The following IPO8 variants were observed in gnomAD, a reference collection of about 807,000 sequenced individuals.
The protein encoded by IPO8 is importin-8.
Under a neutral mutation model 141.2 loss-of-function variants are expected in IPO8, and 65 were observed. The observed-to-expected ratio is 0.46, with a 90% CI of 0.38 to 0.57. The LOEUF is 0.57. IPO8 is among the 20% of genes least tolerant of loss of function. IPO8 has a pLI of 0.00. For missense variants in IPO8, 980 were observed against 1,246.8 expected (o/e 0.79, Z 3.22); for synonymous variants, 411 against 420.3 (o/e 0.98, Z 0.27).
Position 30,695,049 on chromosome 12 carries a change from C to T in IPO8, c.84+515G>A. 2.2e-6 allele frequency: 1 copy of T among 456,720 alleles called. No homozygotes were observed. Among genetic ancestry groups the T allele is most frequent in the Non-Finnish European group, 4.4e-6 (1 of 227,314 alleles). 28.3% of individuals were successfully genotyped at this position (456,720 alleles called of 1,614,324 possible). ...TCTTCCCAGAGCACTCTCCCAACAG[C>T]ACTGCCCAGCGCTCCGCAAAACTCG... On this transcript the variant is annotated intron_variant, in intron 1 of 24. Coordinates refer to ENST00000256079, the MANE Select transcript of IPO8 (RefSeq NM_006390.4). This position sits in a 1 kb window ranked among gnomAD's most constrained non-coding sequence, Gnocchi z 4.2.
intron 1 of IPO8, among the ~76,000 whole-genome samples, chr12:30,694,052 T>C (rs2136179622): frequency 6.6e-6 from 1 of 152,198 alleles, no homozygotes; most frequent in South Asian, 2.1e-4. Flanking sequence ...GAAGGTTAGG[T>C]GAAGGGCAGG....
At chr12:30,660,923 T>A (rs571186420) in intron 16 of IPO8, among the ~76,000 whole-genome samples, 17 of 66,756 alleles carry the variant, frequency 2.5e-4, no homozygotes, top group African/African-American at 1.4e-3. Context: ...ATATACTTTA[T>A]AATATTTACA....
rs1309401734 is a variant in IPO8 at position 30,695,708 on chromosome 12, C to G, written c.-61G>C. 5 of 1,485,976 alleles carry G rather than the reference C, an allele frequency of 3.4e-6. No individual in the cohort carries two copies. Among genetic ancestry groups the G allele is most frequent in the South Asian group, 2.3e-5 (2 of 85,716 alleles). 92.0% of individuals were successfully genotyped at this position (1,485,976 alleles called of 1,614,324 possible). On this transcript the variant is annotated 5_prime_UTR_variant, in exon 1 of 25. Coordinates refer to ENST00000256079, the MANE Select transcript of IPO8 (RefSeq NM_006390.4). The surrounding 1 kb of genome is among the most constrained non-coding windows in gnomAD (Gnocchi z 4.2). The stretch of plus-strand genomic sequence containing the variant: ...TAGGCCGGACTGCAGCTTTAGTTTT[C>G]TTTTGACCCTCTCAGCCTCCTCTTC...
At chr12:30,653,205 A>C in intron 17 of IPO8, 113 bp from the exon 18 acceptor site, 1 of 844,750 alleles carries the variant, frequency 1.2e-6, no homozygotes, top group Non-Finnish European at 1.9e-6. Flanking sequence ...CCTCTATCCA[A>C]TGTACTCATA....
rs770601260 is a variant in IPO8, at chr12:30,650,781, G to A, written c.2172+1411C>T. The stretch of plus-strand genomic sequence containing the variant: ...TCTTGTAATTTTTTAAATAGGCTCT[G>A]GAGTCAGATTAGGTTCAAATCTGGC... On this transcript the variant is annotated intron_variant, in intron 19 of 24. Coordinates refer to ENST00000256079, the MANE Select transcript of IPO8 (RefSeq NM_006390.4). Among the ~76,000 whole-genome samples, 38 of 152,104 alleles carry A rather than the reference G, an allele frequency of 2.5e-4. No homozygotes were observed. In the East Asian group the frequency reaches 6.0e-3, roughly 24 times the overall value.
At chr12:30,666,403 G>A in intron 10 of IPO8, 152 bp from the exon 11 acceptor site, 1 of 475,500 alleles carries the variant, frequency 2.1e-6, no homozygotes, top group East Asian at 3.2e-5. Flanking sequence ...GATATACAGT[G>A]GCACCACAAC....
At chr12:30,633,716 A>G (rs1346365327) in intron 23 of IPO8, among the ~76,000 whole-genome samples, 1 of 152,248 alleles carries the variant, frequency 6.6e-6, no homozygotes, top group African/African-American at 2.4e-5. Context: ...GTAGGTTGTT[A>G]GCCACAATTT....
At chr12:30,661,089 T>C (rs1225682529) in intron 16 of IPO8, 52 bp downstream of exon 16, 2 of 1,335,506 alleles carry the variant, frequency 1.5e-6, no homozygotes, top group Non-Finnish European at 2.0e-6. Context: ...ACTGATCACA[T>C]AAATTTCAGT....
chr12:30,672,525 T>C (rs535017780), intron 8 of IPO8, among the ~76,000 whole-genome samples: 2 of 152,294 alleles, frequency 1.3e-5, no homozygotes, highest in African/African-American at 4.8e-5. Flanking sequence ...TATCCTTAAA[T>C]AACCATGGTA....
At chr12:30,673,310 C>T (rs1249163068) in intron 8 of IPO8, among the ~76,000 whole-genome samples, 1 of 152,116 alleles carries the variant, frequency 6.6e-6, no homozygotes, top group Non-Finnish European at 1.5e-5. Flanking sequence ...TTCCCTATGT[C>T]TAATTAGTCT....
intron 1 of IPO8, among the ~76,000 whole-genome samples, chr12:30,691,466 C>T (rs2053290497): frequency 6.6e-6 from 1 of 152,180 alleles, no homozygotes; most frequent in African/African-American, 2.4e-5. Flanking sequence ...CTGAGTTTGG[C>T]GATGGGGACC....
chr12:30,676,674 T>C lies in IPO8; in HGVS notation c.640-87A>G, dbSNP rs549747234. The C allele has an allele frequency of 6.5e-6, 6 of 924,460 alleles. 1 individual carries two copies. Among genetic ancestry groups the C allele is most frequent in the South Asian group, 4.1e-5 (3 of 73,498 alleles). 57.3% of individuals were successfully genotyped at this position (924,460 alleles called of 1,614,324 possible). On this transcript the variant is annotated intron_variant, in intron 5 of 24. Transcript: ENST00000256079. ...ATCTATATTGTAAGGCTAAAATATA[T>C]GAAAGGGCTAACATTTGAGAATGAA... is the stretch of plus-strand genomic sequence containing the variant.
At chr12:30,646,849 T>C (rs901674335) in intron 20 of IPO8, among the ~76,000 whole-genome samples, 2 of 152,154 alleles carry the variant, frequency 1.3e-5, no homozygotes, top group Non-Finnish European at 2.9e-5. Flanking sequence ...TCACCCCACG[T>C]TCAGGGATTG....
intron 8 of IPO8, among the ~76,000 whole-genome samples, chr12:30,673,318 T>C (rs2053076906): frequency 6.6e-6 from 1 of 152,196 alleles, no homozygotes. Context: ...GTCTAATTAG[T>C]CTTTGCTTCC....
In IPO8 at chr12:30,685,900, CAA is replaced by C. The variant is rs397849869; in HGVS notation, c.167-1445_167-1444del. 2.0e-3 allele frequency among the ~76,000 whole-genome samples: 174 copies of C among 87,978 alleles called. 1 individual carries two copies. The highest frequency in any genetic ancestry group is 9.8e-4 in the African/African-American group (25 of 25,594). 57.7% of individuals were successfully genotyped at this position (87,978 alleles called of 152,430 possible). On this transcript the variant is annotated intron_variant, in intron 2 of 24. Transcript: ENST00000256079. Reference sequence around the variant, plus strand: ...CCAGGGCAACAGAGCAAGACTCTGTCAAAAAAAAAAAAAAAAAAAACTAAATT... The same window carrying C: ...CCAGGGCAACAGAGCAAGACTCTGTCAAAAAAAAAAAAAAAAAACTAAATT...
chr12:30,695,413 G>C lies in IPO8; in HGVS notation c.84+151C>G. 1.6e-6 allele frequency: 1 copy of C among 641,330 alleles called. No homozygotes were observed. Among genetic ancestry groups the C allele is most frequent in the African/African-American group, 1.8e-5 (1 of 54,236 alleles). 39.7% of individuals were successfully genotyped at this position (641,330 alleles called of 1,614,324 possible). A position where few individuals can be genotyped will look rare whatever the true frequency, so the allele number is the denominator to read the frequency against. On this transcript the variant is annotated intron_variant, in intron 1 of 24. Coordinates refer to ENST00000256079, the MANE Select transcript of IPO8 (RefSeq NM_006390.4). This position sits in a 1 kb window ranked among gnomAD's most constrained non-coding sequence, Gnocchi z 4.2. ...TGGGAGCCCTGCTCCACTGGACCGG[G>C]GGGCAGCGGGGTCGGAGAGCGGGAC...
chr12:30,685,960 A>T (rs945394564), intron 2 of IPO8, among the ~76,000 whole-genome samples: 2 of 151,878 alleles, frequency 1.3e-5, no homozygotes, highest in African/African-American at 4.8e-5. Context: ...TAAAGAATAC[A>T]CCAATACATT....
intron 10 of IPO8, among the ~76,000 whole-genome samples, chr12:30,667,862 T>G (rs113066834): frequency 6.6e-6 from 1 of 152,074 alleles, no homozygotes; most frequent in Non-Finnish European, 1.5e-5. Context: ...CAAAAACACA[T>G]AGGTATTATG....
intron 9 of IPO8, among the ~76,000 whole-genome samples, chr12:30,669,802 C>A (rs2053023729): frequency 6.6e-6 from 1 of 151,836 alleles, no homozygotes; most frequent in African/African-American, 2.4e-5. Context: ...TACTTCTATT[C>A]CCAAAAAAAC....
Sources: gnomAD v4.1 joint callset for allele counts (sites outside exome capture counted in the v4.1 genomes callset) on GRCh38, gnomAD v4.1.1 for gene constraint, Gnocchi (gnomAD v3.1) non-coding constraint, MANE v1.5 for transcripts, NCBI Gene and HGNC (gene_info 2026-07-23, HGNC 2026-07-21) for gene names.